The following PI4KA variants were observed in gnomAD, a reference collection of about 807,000 sequenced individuals.
PI4KA encodes phosphatidylinositol 4-kinase alpha.
Under a neutral mutation model 271.4 loss-of-function variants are expected in PI4KA, and 122 were observed. That is an observed-to-expected ratio of 0.45 (90% confidence interval 0.39 to 0.52). The LOEUF is 0.52. Among genes scored for constraint, PI4KA ranks in the 20% least tolerant of loss-of-function variants. PI4KA has a pLI of 0.00. For missense variants in PI4KA, 1,969 were observed against 2,769.1 expected, an observed-to-expected ratio of 0.71 and a Z score of 6.48; for synonymous variants, 1,041 against 1,078.8, an observed-to-expected ratio of 0.96 and a Z score of 0.69.
At chr22:20,761,448 G>A in intron 22 of PI4KA, 62 bp from the exon 23 acceptor site, 1 of 943,882 alleles carries the variant, frequency 1.1e-6, no homozygotes, top group South Asian at 1.3e-5. Context: ...TCACAGATTT[G>A]ACACTGCCCA....
rs199715132 is a variant in PI4KA at position 20,742,211 on chromosome 22, C to T, written c.3741+17G>A. 3.4e-5 allele frequency: 55 copies of T among 1,612,352 alleles called. No homozygotes were observed. In the Admixed American group the frequency reaches 6.9e-4, roughly 20 times the overall value. ...TCCCATCCCATCCTCACTGCCAACC[C>T]GAGGTCAGGGTCCTACCGGCACTTC... On this transcript the variant is annotated intron_variant, in intron 32 of 54. Coordinates refer to ENST00000255882, the MANE Select transcript of PI4KA (RefSeq NM_058004.4).
intron 23 of PI4KA, among the ~76,000 whole-genome samples, chr22:20,754,534 T>C (rs1462805728): frequency 1.3e-5 from 2 of 152,264 alleles, no homozygotes; most frequent in African/African-American, 2.4e-5. Flanking sequence ...TTTGAAGTTA[T>C]GCAGAGATCA....
rs561535865 is a variant in PI4KA at position 20,786,527 on chromosome 22, AAG to A, written c.2328+6664_2328+6665del. 1.1e-4 allele frequency among the ~76,000 whole-genome samples: 17 copies of A among 152,288 alleles called. No homozygotes were observed. The East Asian group carries it at 2.5e-3, about 22-fold the overall frequency. On this transcript the variant is annotated intron_variant, in intron 19 of 54. Transcript: ENST00000255882. ...CTTAAACCAATCGGGCGCTCAGCAA[AAG>A]AGAGAGAACACCAGTCCAAACAGTG...
intron 7 of PI4KA, 150 bp from the exon 8 acceptor site, chr22:20,813,656 G>A: frequency 1.5e-6 from 1 of 661,850 alleles, no homozygotes; most frequent in East Asian, 2.8e-5. Context: ...ACAACTACAG[G>A]GTAGATTGCA....
intron 19 of PI4KA, chr22:20,779,137 C>T (rs535884992): frequency 3.3e-6 from 5 of 1,506,204 alleles, no homozygotes; most frequent in African/African-American, 2.8e-5. Flanking sequence ...TGTCTATCTA[C>T]ATCAGATTCT....
At position 20,858,737 on chromosome 22, in the gene PI4KA, C is replaced by A. The variant is rs1267955014; in HGVS notation, c.-12G>T. The stretch of plus-strand genomic sequence containing the variant: ...GGGGCCGCCGCCATCACCTCACGAG[C>A]CGCGGCGCTGCCCGCCGGCTCCCCG... On this transcript the variant is annotated 5_prime_UTR_variant, in exon 1 of 55. Coordinates refer to ENST00000255882, the MANE Select transcript of PI4KA (RefSeq NM_058004.4). 15 of 1,382,594 alleles carry A rather than the reference C, an allele frequency of 1.1e-5. No homozygotes were observed. Among genetic ancestry groups the A allele is most frequent in the Non-Finnish European group, 1.3e-5 (14 of 1,067,966 alleles). 85.6% of individuals were successfully genotyped at this position (1,382,594 alleles called of 1,614,324 possible).
At chr22:20,780,154 T>A in intron 19 of PI4KA, 1 of 1,614,212 alleles carries the variant, frequency 6.2e-7, no homozygotes, top group Non-Finnish European at 8.5e-7. Context: ...CTGGAGAATA[T>A]AGACCCTGCT....
intron 28 of PI4KA, 68 bp downstream of exon 28, chr22:20,749,837 G>T: frequency 1.1e-6 from 1 of 931,418 alleles, no homozygotes; most frequent in Non-Finnish European, 1.8e-6. Context: ...AGTTCTTCAT[G>T]TCTCTGTAAA....
chr22:20,784,751 T>A (rs530972912), intron 19 of PI4KA, among the ~76,000 whole-genome samples: 1 of 152,322 alleles, frequency 6.6e-6, no homozygotes, highest in East Asian at 1.9e-4. Flanking sequence ...CGTTACTTTG[T>A]AGTTAAAACT....
chr22:20,709,335 A>T lies in PI4KA; in HGVS notation c.6218T>A (p.Phe2073Tyr), dbSNP rs1398365031. Residue 2073 changes from phenylalanine (F) to tyrosine (Y), a missense_variant, in exon 54 of 55, where the codon TTC becomes TAC. By Grantham distance (22) the Phe-to-Tyr change is conservative (BLOSUM62 3). Coordinates refer to ENST00000255882, the MANE Select transcript of PI4KA (RefSeq NM_058004.4). ...GCAGCTCTGGATGACCTTCATGATG[A>T]AATTTGCAGCCTCGCGCTCAGTCAT... ...PNMTEREAAN[F>Y]IMKVIQSCFL... The T allele has an allele frequency of 7.3e-7, 1 of 1,369,218 alleles. No homozygotes were observed. The highest frequency in any genetic ancestry group is 1.6e-5 in the African/African-American group (1 of 62,368). 84.8% of individuals were successfully genotyped at this position (1,369,218 alleles called of 1,614,324 possible). A position where few individuals can be genotyped will look rare whatever the true frequency, so the allele number is the denominator to read the frequency against.
chr22:20,816,005 T>C (rs1028999748), intron 7 of PI4KA, among the ~76,000 whole-genome samples: 2 of 151,842 alleles, frequency 1.3e-5, no homozygotes, highest in Admixed American at 1.3e-4. Flanking sequence ...AGTGTCACGA[T>C]GTCTGCTCAC....
At position 20,803,866 on chromosome 22, in the gene PI4KA, AAAG is replaced by A. The variant is rs1258363333; in HGVS notation, c.1461+431_1461+433del. 5.3e-5 allele frequency among the ~76,000 whole-genome samples: 8 copies of A among 152,332 alleles called. No individual in the cohort carries two copies. The East Asian group carries it at 1.3e-3, about 26-fold the overall frequency. On this transcript the variant is annotated intron_variant, in intron 12 of 54. Transcript: ENST00000255882. ...TGCTCATCTCTTTTGGAAGCATACTAAAGAAGAAAGGGACAAAATATAATTTTT... is the reference window on the plus strand; with the variant it reads ...TGCTCATCTCTTTTGGAAGCATACTAAAGAAAGGGACAAAATATAATTTTT...
intron 19 of PI4KA, chr22:20,786,865 T>G: frequency 6.2e-7 from 1 of 1,614,116 alleles, no homozygotes; most frequent in Non-Finnish European, 8.5e-7. Flanking sequence ...CAACTTTCCT[T>G]TCCAAACAGT....
intron 17 of PI4KA, among the ~76,000 whole-genome samples, chr22:20,797,755 C>T (rs1291772590): frequency 6.6e-6 from 1 of 151,608 alleles, no homozygotes; most frequent in Non-Finnish European, 1.5e-5. Context: ...CATGGCTCCA[C>T]AGCTGCACTC....
rs142235503 is a variant in PI4KA, at chr22:20,829,248, G to C, written c.368-4834C>G. Among the ~76,000 whole-genome samples, 337 of 152,146 alleles carry C rather than the reference G, an allele frequency of 2.2e-3. 1 individual carries two copies. The highest frequency in any genetic ancestry group is 3.6e-3 in the Non-Finnish European group (245 of 67,994). On this transcript the variant is annotated intron_variant, in intron 3 of 54. Transcript: ENST00000255882. ...AGGAGTGGTACCAGCTCTTCTTTAT[G>C]CATCTGGTAGAATTCAGCTGTGAAT... is the stretch of plus-strand genomic sequence containing the variant.
At chr22:20,714,899 G>A (rs539721477) in intron 45 of PI4KA, among the ~76,000 whole-genome samples, 199 bp from the exon 46 acceptor site, 134 of 152,158 alleles carry the variant, frequency 8.8e-4, no homozygotes, top group Non-Finnish European at 1.4e-3. Flanking sequence ...TTGACTCTTC[G>A]ACTCTTCCAG....
At chr22:20,713,590 G>C (rs935291847) in intron 47 of PI4KA, among the ~76,000 whole-genome samples, 200 bp from the exon 48 acceptor site, 1 of 152,222 alleles carries the variant, frequency 6.6e-6, no homozygotes, top group African/African-American at 2.4e-5. Context: ...TCCAGGGTTG[G>C]AGTCTAAGAA....
intron 9 of PI4KA, among the ~76,000 whole-genome samples, chr22:20,808,933 T>C (rs1935836602): frequency 6.6e-6 from 1 of 152,102 alleles, no homozygotes; most frequent in Non-Finnish European, 1.5e-5. Context: ...GGATAGGGCA[T>C]GCAGTGTGAG....
Position 20,751,287 on chromosome 22 carries a change from G to T in PI4KA, c.3153+6C>A. On this transcript the variant is annotated splice_donor_region_variant and intron_variant, in intron 27 of 54. Transcript: ENST00000255882. ...CCCTTAGTGCAGGGGATCGTGTCGG[G>T]CCTACCTCACGGGCTTCGTACGTGT... 1 of 1,611,524 alleles carries T rather than the reference G, an allele frequency of 6.2e-7. No individual in the cohort carries two copies. The highest frequency in any genetic ancestry group is 8.5e-7 in the Non-Finnish European group (1 of 1,177,738).
Sources: gnomAD v4.1 joint callset for allele counts (sites outside exome capture counted in the v4.1 genomes callset) on GRCh38, gnomAD v4.1.1 for gene constraint, MANE v1.5 for transcripts, NCBI Gene and HGNC (gene_info 2026-07-23, HGNC 2026-07-21) for gene names.